PRKCQ: variants seen among roughly 807,000 people sequenced by gnomAD.
PRKCQ encodes the protein protein kinase C theta.
A neutral mutation model predicts 91.2 loss-of-function variants in PRKCQ; 41 were observed. The observed-to-expected ratio is 0.45, with a 90% CI of 0.35 to 0.58. The LOEUF is 0.58. Among genes scored for constraint, PRKCQ ranks in the 20% least tolerant of loss-of-function variants. PRKCQ has a pLI of 0.00. For missense variants in PRKCQ, 673 were observed against 896.5 expected (o/e 0.75, Z 3.18); for synonymous variants, 307 against 316.9 (o/e 0.97, Z 0.33).
intron 4 of PRKCQ, 73 bp from the exon 5 acceptor site, chr10:6,498,631 G>A (rs926798347): frequency 1.3e-6 from 2 of 1,499,000 alleles, no homozygotes; most frequent in Admixed American, 3.9e-5. Flanking sequence ...GGGTCAGGAG[G>A]GGAGGGAGAT....
At chr10:6,557,913 A>G (rs1269105765) in intron 1 of PRKCQ, among the ~76,000 whole-genome samples, 2 of 152,080 alleles carry the variant, frequency 1.3e-5, no homozygotes, top group Admixed American at 6.6e-5. Flanking sequence ...AACAAGTCCC[A>G]TGGATTTTTC....
chr10:6,462,263 G>A (rs369885933), intron 14 of PRKCQ, 40 bp downstream of exon 14: 43 of 1,560,314 alleles, frequency 2.8e-5, no homozygotes, highest in Non-Finnish European at 3.6e-5. Flanking sequence ...AGCCAGGAAA[G>A]CCGATATCTT....
At chr10:6,569,097 G>C (rs573699859) in intron 1 of PRKCQ, among the ~76,000 whole-genome samples, 7 of 152,032 alleles carry the variant, frequency 4.6e-5, no homozygotes, top group Admixed American at 1.3e-4. Context: ...CAGTACCTTG[G>C]GCATTACAGA....
chr10:6,471,727 G>A (rs1835979991), intron 12 of PRKCQ, among the ~76,000 whole-genome samples: 1 of 152,136 alleles, frequency 6.6e-6, no homozygotes, highest in African/African-American at 2.4e-5. Context: ...TCCAATCTGG[G>A]CGACAGAGTG....
At chr10:6,560,059 A>G (rs1840569879) in intron 1 of PRKCQ, among the ~76,000 whole-genome samples, 1 of 152,178 alleles carries the variant, frequency 6.6e-6, no homozygotes, top group Admixed American at 6.5e-5. Context: ...CTGTATTTTA[A>G]ACGCCCAGAA....
chr10:6,474,006 T>C (rs1387597592), intron 12 of PRKCQ, among the ~76,000 whole-genome samples: 1 of 152,202 alleles, frequency 6.6e-6, no homozygotes, highest in Non-Finnish European at 1.5e-5. Flanking sequence ...GGAGAACCAG[T>C]GTCACAAAGA....
At chr10:6,412,515 CA>C in the PRKCQ span, among the ~76,000 whole-genome samples, 1 of 152,092 alleles carries the variant, frequency 6.6e-6, no homozygotes, top group Non-Finnish European at 1.5e-5. Flanking sequence ...TGATAACAAC[CA>C]AAACACTTGG....
At chr10:6,560,811 G>A (rs199585714) in intron 1 of PRKCQ, among the ~76,000 whole-genome samples, 4 of 152,132 alleles carry the variant, frequency 2.6e-5, no homozygotes, top group Admixed American at 1.3e-4. Flanking sequence ...AGGCCGAGGC[G>A]GGTGGATCAC....
chr10:6,426,293 A>T (rs1299489423), downstream of PRKCQ, among the ~76,000 whole-genome samples: 3 of 152,212 alleles, frequency 2.0e-5, no homozygotes, highest in Non-Finnish European at 4.4e-5. Flanking sequence ...AGGCCCCAAA[A>T]GATGAAATGA....
downstream of PRKCQ, among the ~76,000 whole-genome samples, chr10:6,426,119 T>G (rs1795880831): frequency 6.6e-6 from 1 of 152,202 alleles, no homozygotes. Context: ...TTTGCAGGAT[T>G]TTGATTCAGA....
the PRKCQ span, among the ~76,000 whole-genome samples, chr10:6,402,979 A>G: frequency 6.6e-6 from 1 of 152,242 alleles, no homozygotes; most frequent in Non-Finnish European, 1.5e-5. Flanking sequence ...GTGTCTGCAC[A>G]CTATCTCCTG....
At chr10:6,534,778 A>ATCTATCTATCTATC (rs1356049558) in intron 1 of PRKCQ, among the ~76,000 whole-genome samples, 8 of 70,524 alleles carry the variant, frequency 1.1e-4, no homozygotes, top group Admixed American at 2.3e-4. Flanking sequence ...ATATATCTAT[A>ATCTATCTATCTATC]TATATATATA....
chr10:6,529,855 G>A (rs982457590), intron 1 of PRKCQ, among the ~76,000 whole-genome samples: 9 of 152,158 alleles, frequency 5.9e-5, no homozygotes, highest in African/African-American at 1.7e-4. Context: ...TGGAAAATGC[G>A]TATGACAGTG....
intron 1 of PRKCQ, among the ~76,000 whole-genome samples, chr10:6,561,189 A>G (rs1293058234): frequency 2.6e-5 from 4 of 151,570 alleles, no homozygotes; most frequent in Non-Finnish European, 4.4e-5. Flanking sequence ...TGGGCAACAC[A>G]GCGAAACTGT....
the PRKCQ span, among the ~76,000 whole-genome samples, chr10:6,417,545 C>T: frequency 8.5e-5 from 13 of 152,198 alleles, no homozygotes; most frequent in Non-Finnish European, 1.9e-4. Flanking sequence ...GGAATGCGTG[C>T]GATCTAAAAC....
At chr10:6,525,194 G>GT (rs1383430089) in intron 1 of PRKCQ, among the ~76,000 whole-genome samples, 2 of 150,884 alleles carry the variant, frequency 1.3e-5, no homozygotes, top group African/African-American at 2.4e-5. Context: ...GTCAATTGTG[G>GT]TAAAAACGAT....
intron 16 of PRKCQ, among the ~76,000 whole-genome samples, chr10:6,435,617 A>G (rs1386687805): frequency 1.3e-5 from 2 of 152,228 alleles, no homozygotes; most frequent in African/African-American, 4.8e-5. Context: ...GCAGTGTCCA[A>G]TCTTTTGGCT....
At chr10:6,534,811 TAA>T (rs1564379174) in intron 1 of PRKCQ, among the ~76,000 whole-genome samples, 4 of 148,188 alleles carry the variant, frequency 2.7e-5, no homozygotes, top group African/African-American at 9.9e-5. Context: ...TATATATATA[TAA>T]ACTCATTACA....
chr10:6,522,472 A>G (rs74619444), intron 1 of PRKCQ, among the ~76,000 whole-genome samples: 1,956 of 152,272 alleles, frequency 0.013, 39 homozygotes, highest in African/African-American at 0.044. Context: ...ACCCTCCACA[A>G]TTCAAACTCC....
Sources: gnomAD v4.1 joint callset for allele counts (sites outside exome capture counted in the v4.1 genomes callset) on GRCh38, gnomAD v4.1.1 for gene constraint, MANE v1.5 for transcripts, NCBI Gene and HGNC (gene_info 2026-07-23, HGNC 2026-07-21) for gene names.